The following LPP variants were observed in gnomAD, a reference collection of about 807,000 sequenced individuals.
LPP encodes the protein lipoma-preferred partner.
Under a neutral mutation model 60.4 loss-of-function variants are expected in LPP, and 38 were observed. The observed-to-expected ratio is 0.63, with a 90% CI of 0.49 to 0.83. The LOEUF (loss-of-function observed/expected upper bound fraction) is 0.83. Ranked by LOEUF, LPP falls within the 40% of genes least tolerant of loss-of-function variation. The pLI, the probability that LPP is intolerant of heterozygous loss-of-function variation, is 0.00. For synonymous variants in LPP, 328 were observed against 290.8 expected (o/e 1.13, Z -1.30); for missense variants, 902 against 783.6 (o/e 1.15, Z -1.80).
At chr3:188,814,412 A>G (rs1751913871) in intron 9 of LPP, among the ~76,000 whole-genome samples, 1 of 152,182 alleles carries the variant, frequency 6.6e-6, no homozygotes, top group African/African-American at 2.4e-5. Context: ...TAAATGTTAA[A>G]TCTCCCTTCC....
At chr3:188,545,096 G>T (rs1244884731) in intron 6 of LPP, among the ~76,000 whole-genome samples, 1 of 96,614 alleles carries the variant, frequency 1.0e-5, no homozygotes, top group Non-Finnish European at 2.0e-5. Context: ...ACACTCTGGG[G>T]ACTGTGGTGG....
intron 6 of LPP, among the ~76,000 whole-genome samples, chr3:188,588,879 G>T (rs1278124259): frequency 6.6e-6 from 1 of 152,052 alleles, no homozygotes; most frequent in East Asian, 1.9e-4. Context: ...GGCTCAGAGA[G>T]CCACCCTCTG....
At chr3:188,691,906 G>C (rs1560072712) in intron 7 of LPP, among the ~76,000 whole-genome samples, 2 of 152,064 alleles carry the variant, frequency 1.3e-5, no homozygotes, top group Admixed American at 6.6e-5. Flanking sequence ...TGAAACGTAA[G>C]TACTTAAGGA....
chr3:188,816,794 A>G (rs1205412557), intron 9 of LPP, among the ~76,000 whole-genome samples: 5 of 152,242 alleles, frequency 3.3e-5, no homozygotes, highest in South Asian at 2.1e-4. Flanking sequence ...TGAAATAACT[A>G]ATCTTGTCTT....
chr3:188,770,165 A>ATTAT (rs1560181309), intron 9 of LPP, among the ~76,000 whole-genome samples: 2 of 122,986 alleles, frequency 1.6e-5, no homozygotes, highest in African/African-American at 3.2e-5. Context: ...CATAGTTATA[A>ATTAT]TTCTTTTTTT....
At chr3:188,768,757 G>T (rs1734932690) in intron 9 of LPP, among the ~76,000 whole-genome samples, 1 of 151,936 alleles carries the variant, frequency 6.6e-6, no homozygotes, top group Non-Finnish European at 1.5e-5. Context: ...AAATCCCTTG[G>T]GTTCTATTCC....
intron 2 of LPP, among the ~76,000 whole-genome samples, chr3:188,240,415 A>G (rs1723872315): frequency 1.3e-5 from 2 of 150,878 alleles, no homozygotes; most frequent in African/African-American, 4.9e-5. Context: ...AAGAGGAACA[A>G]ATGAAGAGGG....
rs1324205730 is a variant in LPP at position 188,224,441 on chromosome 3, C to T, written c.-189-964C>T. Among the ~76,000 whole-genome samples, 3 of 152,158 alleles carry T rather than the reference C, an allele frequency of 2.0e-5. No individual in the cohort carries two copies. In the East Asian group the frequency reaches 5.8e-4, roughly 29 times the overall value. On this transcript the variant is annotated intron_variant, in intron 1 of 11. Transcript: ENST00000617246. ...CTTGGGATACTTGTCTGTTGGCATACATACTGTGTAATCATTAGCAAAACA... is the reference window on the plus strand; with the variant it reads ...CTTGGGATACTTGTCTGTTGGCATATATACTGTGTAATCATTAGCAAAACA...
At chr3:188,686,426 G>C (rs1860738593) in intron 7 of LPP, among the ~76,000 whole-genome samples, 1 of 152,134 alleles carries the variant, frequency 6.6e-6, no homozygotes, top group Admixed American at 6.5e-5. Context: ...TGTTTCTGGG[G>C]AGAAATTTAA....
chr3:188,802,569 G>A (rs1270468187), intron 9 of LPP, among the ~76,000 whole-genome samples: 5 of 152,154 alleles, frequency 3.3e-5, no homozygotes, highest in Admixed American at 3.3e-4. Context: ...GATCACCTGA[G>A]GTCAGGTGTT....
At chr3:188,641,492 A>T (rs1410047999) in intron 7 of LPP, among the ~76,000 whole-genome samples, 3 of 152,180 alleles carry the variant, frequency 2.0e-5, no homozygotes, top group Non-Finnish European at 4.4e-5. Flanking sequence ...AAACAAAATG[A>T]GATATGTTAT....
At chr3:188,669,784 C>CTA (rs1449468581) in intron 7 of LPP, among the ~76,000 whole-genome samples, 1 of 150,908 alleles carries the variant, frequency 6.6e-6, no homozygotes, top group African/African-American at 2.5e-5. Flanking sequence ...AATCATGCTA[C>CTA]TATAAAGACA....
intron 8 of LPP, among the ~76,000 whole-genome samples, chr3:188,749,311 C>G (rs536701585): frequency 1.3e-5 from 2 of 152,318 alleles, no homozygotes; most frequent in African/African-American, 4.8e-5. Flanking sequence ...CAGGTCTCAT[C>G]TCTCCTGACA....
intron 7 of LPP, among the ~76,000 whole-genome samples, chr3:188,686,154 CT>C (rs1860664056): frequency 6.6e-6 from 1 of 152,066 alleles, no homozygotes; most frequent in Non-Finnish European, 1.5e-5. Flanking sequence ...ATATGAAATA[CT>C]CAGCCCAGAG....
intron 8 of LPP, among the ~76,000 whole-genome samples, chr3:188,724,442 G>C (rs1717618717): frequency 6.6e-6 from 1 of 152,080 alleles, no homozygotes; most frequent in African/African-American, 2.4e-5. Flanking sequence ...GATTTTCTCT[G>C]ATTGAAAGCT....
intron 2 of LPP, among the ~76,000 whole-genome samples, chr3:188,246,858 A>G (rs769373238): frequency 6.6e-6 from 1 of 152,228 alleles, no homozygotes; most frequent in African/African-American, 2.4e-5. Context: ...TAACTTAATA[A>G]TTTATTGACA....
chr3:188,838,454 G>A (rs529973972), intron 9 of LPP, among the ~76,000 whole-genome samples: 1 of 152,258 alleles, frequency 6.6e-6, no homozygotes, highest in Non-Finnish European at 1.5e-5. Context: ...GGCTTATCCA[G>A]CTCCTGGTTC....
chr3:188,484,781 A>C, intron 5 of LPP, 77 bp downstream of exon 5: 516 of 1,012,420 alleles, frequency 5.1e-4, no homozygotes, highest in Non-Finnish European at 6.7e-4. Flanking sequence ...TAGGGAGCTC[A>C]TGAATTTCAT....
intron 8 of LPP, among the ~76,000 whole-genome samples, chr3:188,753,980 G>A (rs1055449975): frequency 6.6e-6 from 1 of 152,186 alleles, no homozygotes; most frequent in African/African-American, 2.4e-5. Context: ...TGTATTCACA[G>A]AGCTAAATGG....
Sources: allele counts gnomAD v4.1 joint callset (sites outside exome capture counted in the v4.1 genomes callset), GRCh38; gene constraint gnomAD v4.1.1; transcripts MANE v1.5; gene names NCBI Gene and HGNC (gene_info 2026-07-23, HGNC 2026-07-21).